The following CCDC148 variants were observed in gnomAD, a reference collection of about 807,000 sequenced individuals.
The protein encoded by CCDC148 is coiled-coil domain-containing protein 148.
CCDC148 carries 89 observed loss-of-function variants against 85.7 expected under a neutral mutation model. That is an observed-to-expected ratio of 1.04 (90% confidence interval 0.87 to 1.24). The LOEUF (loss-of-function observed/expected upper bound fraction) is 1.24, where lower values mean the gene tolerates loss of function less well. CCDC148 is among the 50% of genes most tolerant of loss of function. CCDC148 has a pLI of 0.00. For missense variants in CCDC148, 692 were observed against 671.7 expected (o/e 1.03, Z -0.33); for synonymous variants, 230 against 213.9 (o/e 1.08, Z -0.66).
chr2:158,239,951 A>C (rs146138855), intron 10 of CCDC148, among the ~76,000 whole-genome samples: 1 of 152,242 alleles, frequency 6.6e-6, no homozygotes, highest in East Asian at 1.9e-4. Context: ...AAAAAGACTA[A>C]TAACTAAATA....
rs1689339852 is a variant in CCDC148, at chr2:158,263,807, T to C, written c.1111-12895A>G. ...TTAAATGGATTACAAAGAAGAAAAG[T>C]AGTTATCAAAAATCCTTTCCTGTAA... On this transcript the variant is annotated intron_variant, in intron 9 of 13. Coordinates refer to ENST00000283233, the MANE Select transcript of CCDC148 (RefSeq NM_138803.4). Among the ~76,000 whole-genome samples the C allele has an allele frequency of 2.6e-5, 4 of 152,170 alleles. 1 individual carries two copies. In the East Asian group the frequency reaches 5.8e-4, roughly 22 times the overall value.
At chr2:158,272,884 A>G (rs922796848) in intron 9 of CCDC148, among the ~76,000 whole-genome samples, 3 of 152,232 alleles carry the variant, frequency 2.0e-5, no homozygotes, top group Non-Finnish European at 4.4e-5. Flanking sequence ...TGATGGATAT[A>G]TTAATTAGCA....
At chr2:158,278,484 T>A (rs1690076936) in intron 9 of CCDC148, among the ~76,000 whole-genome samples, 1 of 152,220 alleles carries the variant, frequency 6.6e-6, no homozygotes, top group Non-Finnish European at 1.5e-5. Context: ...ATCCTGCACC[T>A]GGCTGGGAGG....
chr2:158,247,708 T>C (rs760154382), intron 10 of CCDC148, among the ~76,000 whole-genome samples: 9 of 151,754 alleles, frequency 5.9e-5, no homozygotes, highest in Non-Finnish European at 1.2e-4. Flanking sequence ...ATACAAAAAT[T>C]AGCCAGGTAT....
intron 9 of CCDC148, among the ~76,000 whole-genome samples, chr2:158,259,200 C>T (rs1438007844): frequency 4.0e-5 from 6 of 151,808 alleles, no homozygotes; most frequent in Non-Finnish European, 8.8e-5. Flanking sequence ...GCCTTGCCCA[C>T]CAGGACATGA....
chr2:158,277,845 T>C (rs1046621066), intron 9 of CCDC148, among the ~76,000 whole-genome samples: 3 of 152,130 alleles, frequency 2.0e-5, no homozygotes, highest in African/African-American at 4.8e-5. Flanking sequence ...ATCCGCCCAC[T>C]TCAGCCTCCC....
chr2:158,254,015 A>G (rs1688911712), intron 9 of CCDC148, among the ~76,000 whole-genome samples: 1 of 151,706 alleles, frequency 6.6e-6, no homozygotes, highest in African/African-American at 2.4e-5. Flanking sequence ...ATGCAACAGT[A>G]TATGGGAACA....
intron 1 of CCDC148, among the ~76,000 whole-genome samples, chr2:158,426,861 A>G (rs909665675): frequency 2.0e-5 from 3 of 152,194 alleles, no homozygotes; most frequent in Non-Finnish European, 4.4e-5. Context: ...CACCTAGGAT[A>G]AGTACCAATG....
chr2:158,277,646 G>A (rs1690018478), intron 9 of CCDC148, among the ~76,000 whole-genome samples: 1 of 151,334 alleles, frequency 6.6e-6, no homozygotes, highest in Non-Finnish European at 1.5e-5. Flanking sequence ...GCCCAGGCTG[G>A]AGTGCAGTGG....
chr2:158,297,158 G>A (rs1691227721), intron 9 of CCDC148, among the ~76,000 whole-genome samples: 1 of 152,100 alleles, frequency 6.6e-6, no homozygotes, highest in African/African-American at 2.4e-5. Context: ...TTGAATCCTT[G>A]CCAGTTCTCA....
At chr2:158,291,842 T>C (rs554658723) in intron 9 of CCDC148, among the ~76,000 whole-genome samples, 1 of 152,344 alleles carries the variant, frequency 6.6e-6, no homozygotes, top group East Asian at 1.9e-4. Flanking sequence ...AATTACACCA[T>C]ATAAAAGAAA....
intron 9 of CCDC148, among the ~76,000 whole-genome samples, chr2:158,279,816 C>T (rs1019010606): frequency 1.3e-4 from 19 of 151,634 alleles, no homozygotes; most frequent in Non-Finnish European, 2.4e-4. Context: ...CTCCAAGACA[C>T]ATAATTGTCA....
chr2:158,358,622 G>A (rs1221435130), intron 1 of CCDC148, 52 bp from the exon 2 acceptor site: 1 of 1,329,392 alleles, frequency 7.5e-7, no homozygotes, highest in Admixed American at 3.1e-5. Context: ...CATGTTATTG[G>A]AAGTCAAAAT....
intron 10 of CCDC148, among the ~76,000 whole-genome samples, chr2:158,238,930 G>A (rs1044710024): frequency 2.0e-5 from 3 of 152,044 alleles, no homozygotes; most frequent in Non-Finnish European, 2.9e-5. Context: ...AAATCATACC[G>A]GTCAGACCAC....
At chr2:158,444,228 T>A (rs1347541382) in intron 1 of CCDC148, among the ~76,000 whole-genome samples, 1 of 152,018 alleles carries the variant, frequency 6.6e-6, no homozygotes, top group African/African-American at 2.4e-5. Context: ...GCAAACATGG[T>A]GAAATGACTG....
intron 1 of CCDC148, among the ~76,000 whole-genome samples, chr2:158,377,591 T>C (rs1328415304): frequency 6.6e-6 from 1 of 152,076 alleles, no homozygotes; most frequent in Admixed American, 6.6e-5. Context: ...TCTGGCGACA[T>C]ACAGGCATAC....
chr2:158,239,280 T>C (rs1444408281), intron 10 of CCDC148, among the ~76,000 whole-genome samples: 1 of 151,634 alleles, frequency 6.6e-6, no homozygotes, highest in Non-Finnish European at 1.5e-5. Context: ...CTCCTGATTA[T>C]CCAGGCTTTC....
At chr2:158,401,481 A>T (rs1685779576) in intron 1 of CCDC148, among the ~76,000 whole-genome samples, 2 of 151,858 alleles carry the variant, frequency 1.3e-5, no homozygotes. Context: ...ATTCTCACTC[A>T]TAAGTTGAAC....
intron 9 of CCDC148, among the ~76,000 whole-genome samples, chr2:158,284,486 G>T (rs1690519733): frequency 6.6e-6 from 1 of 152,262 alleles, no homozygotes; most frequent in Middle Eastern, 3.4e-3. Flanking sequence ...AGATTCTTTT[G>T]TGAAAAACTG....
Sources: allele counts gnomAD v4.1 joint callset (sites outside exome capture counted in the v4.1 genomes callset), GRCh38; gene constraint gnomAD v4.1.1; transcripts MANE v1.5; gene names NCBI Gene and HGNC (gene_info 2026-07-23, HGNC 2026-07-21).